The following ZC3H18 variants were observed in gnomAD, a reference collection of about 807,000 sequenced individuals.
ZC3H18 encodes the protein zinc finger CCCH-type containing 18.
In ZC3H18, 8 loss-of-function variants were observed where a neutral mutation model predicts 106.1. That is an observed-to-expected ratio of 0.08 (90% confidence interval 0.04 to 0.14). The LOEUF (loss-of-function observed/expected upper bound fraction) is 0.14, where lower values mean the gene tolerates loss of function less well. Ranked by LOEUF, ZC3H18 falls within the 10% of genes least tolerant of loss-of-function variation. The pLI is 1.00. For missense variants in ZC3H18, 1,318 were observed against 1,278.4 expected, an observed-to-expected ratio of 1.03 and a Z score of -0.47; for synonymous variants, 635 against 522.1, an observed-to-expected ratio of 1.22 and a Z score of -2.95.
At chr16:88,628,687 G>T in intron 15 of ZC3H18, 71 bp from the exon 16 acceptor site, 1 of 1,547,132 alleles carries the variant, frequency 6.5e-7, no homozygotes, top group Non-Finnish European at 8.9e-7. Flanking sequence ...AGGAACCCAT[G>T]TCCTCTGGGG....
chr16:88,571,769 T>C (rs1914422068), intron 1 of ZC3H18: 17 of 802,828 alleles, frequency 2.1e-5, no homozygotes, highest in Non-Finnish European at 2.6e-5. Flanking sequence ...TCAAGGAGTT[T>C]AGTGGTCACG....
intron 2 of ZC3H18, among the ~76,000 whole-genome samples, chr16:88,582,219 C>CTT (rs71391393): frequency 0.14 from 10,517 of 76,766 alleles, 1,534 homozygotes; most frequent in East Asian, 0.19. Context: ...TTTTTCTTTT[C>CTT]TTTTTTTTTT....
intron 9 of ZC3H18, 26 bp from the exon 10 acceptor site, chr16:88,623,193 G>A (rs1203775393): frequency 5.6e-6 from 9 of 1,606,864 alleles, no homozygotes; most frequent in African/African-American, 1.3e-5. Flanking sequence ...CTCACTTCTC[G>A]CCACGCTCCG....
rs767513993 is a variant in ZC3H18 at position 88,623,314 on chromosome 16, G to A, written c.1763G>A (p.Arg588Lys). The A allele has an allele frequency of 6.8e-6, 11 of 1,613,666 alleles. No individual in the cohort carries two copies. The change falls in exon 10 of 18, where the codon AGA (arginine) becomes AAA (lysine). Residue 588 changes from arginine to lysine, a missense_variant. Physicochemically the swap from Arg to Lys is conservative, Grantham distance 26. Coordinates refer to ENST00000301011, the MANE Select transcript of ZC3H18 (RefSeq NM_144604.4). ...AGCTCCTACTCCAGCCGCTCTTCCAGACACAGCTCGTTCTCAGGAAGCCGG... is the reference window on the plus strand; with the variant it reads ...AGCTCCTACTCCAGCCGCTCTTCCAAACACAGCTCGTTCTCAGGAAGCCGG... Reference protein sequence around the residue: ...SYSSYSSRSSRHSSFSGSRSR... With the variant: ...SYSSYSSRSSKHSSFSGSRSR...
intron 2 of ZC3H18, among the ~76,000 whole-genome samples, chr16:88,584,521 T>C (rs920398339): frequency 3.3e-5 from 5 of 152,140 alleles, no homozygotes; most frequent in African/African-American, 7.2e-5. Context: ...TGCTGAGTGA[T>C]TGGTGGATTA....
At chr16:88,623,795 T>C in intron 10 of ZC3H18, 163 bp from the exon 11 acceptor site, 1 of 1,323,430 alleles carries the variant, frequency 7.6e-7, no homozygotes. Flanking sequence ...TCTGGGCCTG[T>C]GTTTTTAGCA....
chr16:88,629,568 C>T (rs1463632017), intron 16 of ZC3H18, among the ~76,000 whole-genome samples: 1 of 152,208 alleles, frequency 6.6e-6, no homozygotes, highest in African/African-American at 2.4e-5. Context: ...TCTCTTCAGT[C>T]TGGCTGACGG....
chr16:88,595,806 A>T, intron 3 of ZC3H18, among the ~76,000 whole-genome samples: 1 of 1,896 alleles, frequency 5.3e-4, no homozygotes, highest in African/African-American at 1.4e-3. Context: ...ACTCCATCTC[A>T]AAAAAAAAAA....
intron 13 of ZC3H18, chr16:88,626,397 T>C (rs1325014929): frequency 6.6e-6 from 1 of 152,086 alleles, no homozygotes; most frequent in Non-Finnish European, 1.5e-5. Context: ...AAAAAAAGGA[T>C]TTTTGCTATT....
intron 3 of ZC3H18, among the ~76,000 whole-genome samples, chr16:88,591,409 C>G (rs183291597): frequency 6.6e-6 from 1 of 152,238 alleles, no homozygotes; most frequent in African/African-American, 2.4e-5. Context: ...CCTGTCTCTA[C>G]TAAAAATACA....
Position 88,625,234 on chromosome 16 carries a change from G to T in ZC3H18, c.2075G>T (p.Gly692Val), listed in dbSNP as rs1906230999. Reference protein sequence around the residue: ...RTLSGSGSGSGSSYSGSSSRS... With the variant: ...RTLSGSGSGSVSSYSGSSSRS... ...CTAAGCGGCAGCGGCAGTGGCAGTG[G>T]TAGCAGCTATAGTGGTTCCAGCTCC... The change falls in exon 13 of 18, where the codon GGT becomes GTT. Residue 692 changes from glycine (G) to valine (V), a missense_variant. Around this residue, in one of 6 missense-constraint regions of ZC3H18, gnomAD observed 848 missense variants for 821.7 expected, o/e 1.03. Transcript: ENST00000301011. 6.3e-7 allele frequency: 1 copy of T among 1,594,010 alleles called. No individual in the cohort carries two copies.
At chr16:88,580,911 C>T (rs749711599) in intron 2 of ZC3H18, among the ~76,000 whole-genome samples, 2 of 152,232 alleles carry the variant, frequency 1.3e-5, no homozygotes, top group Non-Finnish European at 2.9e-5. Flanking sequence ...GGAAGAATTA[C>T]TCTCTTTGGC....
chr16:88,614,493 G>A (rs1905459771), intron 8 of ZC3H18, among the ~76,000 whole-genome samples: 1 of 152,234 alleles, frequency 6.6e-6, no homozygotes, highest in Admixed American at 6.5e-5. Context: ...CATGGCTGTA[G>A]CTGCTGCTTA....
intron 8 of ZC3H18, among the ~76,000 whole-genome samples, chr16:88,620,964 C>T (rs1009702489): frequency 1.3e-5 from 2 of 152,188 alleles, no homozygotes; most frequent in Non-Finnish European, 2.9e-5. Flanking sequence ...CTCCTGGGTT[C>T]AAACCATTCT....
rs780257662 is a variant in ZC3H18, at chr16:88,630,594, C to T, written c.2663+13C>T. ...CCCCGGCTGACAGGTGAGTCCCACC[C>T]AGCATGTGCCCTGGGCACACCGAGG... On this transcript the variant is annotated intron_variant, in intron 17 of 17. Coordinates refer to ENST00000301011, the MANE Select transcript of ZC3H18 (RefSeq NM_144604.4). 1.7e-5 allele frequency: 27 copies of T among 1,592,450 alleles called. No individual in the cohort carries two copies. Among genetic ancestry groups the T allele is most frequent in the African/African-American group, 5.3e-5 (4 of 74,772 alleles).
Position 88,598,274 on chromosome 16 carries a change from C to G in ZC3H18, c.785C>G (p.Pro262Arg). The G allele has an allele frequency of 6.2e-7, 1 of 1,612,930 alleles. No homozygotes were observed. Among genetic ancestry groups the G allele is most frequent in the Non-Finnish European group, 8.5e-7 (1 of 1,179,608 alleles). ...SLITKADPFP[P>R]NGAPPLGPHP... ...ATCACCAAAGCCGACCCCTTCCCGC[C>G]TAATGGTGCCCCGCCTCTCGGACCT... Residue 262 changes from proline to arginine, a missense_variant, in exon 4 of 18, where the codon CCT (proline) becomes CGT (arginine). By Grantham distance (103) the Pro-to-Arg change is moderately radical. This residue lies in a region of ZC3H18 where 78 missense variants were observed against 67.3 expected (regional missense o/e 1.16). Coordinates refer to ENST00000301011, the MANE Select transcript of ZC3H18 (RefSeq NM_144604.4).
At chr16:88,612,737 C>CG (rs1905342328) in intron 8 of ZC3H18, among the ~76,000 whole-genome samples, 1 of 151,754 alleles carries the variant, frequency 6.6e-6, no homozygotes, top group Non-Finnish European at 1.5e-5. Context: ...CACGGTGGCT[C>CG]ACTCTTGTAA....
chr16:88,624,352 C>T (rs911836436), intron 11 of ZC3H18: 6 of 670,586 alleles, frequency 8.9e-6, no homozygotes, highest in Non-Finnish European at 1.5e-5. Flanking sequence ...CCTGCTCTCC[C>T]CACTGCCTGG....
At chr16:88,596,614 T>TG (rs1904452151) in intron 3 of ZC3H18, among the ~76,000 whole-genome samples, 1 of 152,160 alleles carries the variant, frequency 6.6e-6, no homozygotes, top group Middle Eastern at 3.4e-3. Context: ...CACTCCAGCC[T>TG]GGGACTGTCT....
Sources: gnomAD v4.1 joint callset for allele counts (sites outside exome capture counted in the v4.1 genomes callset) on GRCh38, gnomAD v4.1.1 for gene constraint, gnomAD v4.1.1 regional missense constraint, MANE v1.5 for transcripts, NCBI Gene and HGNC (gene_info 2026-07-23, HGNC 2026-07-21) for gene names.